The following DIAPH2 variants were observed in gnomAD, a reference collection of about 807,000 sequenced individuals.
DIAPH2 encodes protein diaphanous homolog 2.
In DIAPH2, 35 loss-of-function variants were observed where a neutral mutation model predicts 92.7. The ratio of observed to expected loss-of-function variants is 0.38; its 90% CI spans 0.29 to 0.50. DIAPH2 has a LOEUF of 0.50. Among genes scored for constraint, DIAPH2 ranks in the 20% least tolerant of loss-of-function variants. The probability of loss-of-function intolerance (pLI) is 0.94; values close to 1 mark genes in which losing one functional copy is unlikely to be tolerated. For synonymous variants in DIAPH2, 301 were observed against 280.4 expected (o/e 1.07, Z -0.73); for missense variants, 701 against 819.5 (o/e 0.86, Z 1.77).
intron 4 of DIAPH2, among the ~76,000 whole-genome samples, chrX:96,873,385 T>A (rs1187194545): frequency 9.0e-6 from 1 of 111,447 alleles, no homozygotes; most frequent in East Asian, 2.8e-4. Flanking sequence ...TTCTGTTGTC[T>A]CTTTGTTGAT....
chrX:96,897,064 TTTAA>T (rs1242318451), intron 5 of DIAPH2, among the ~76,000 whole-genome samples: 1 of 112,050 alleles, frequency 8.9e-6, no homozygotes, highest in Non-Finnish European at 1.9e-5. Flanking sequence ...CAAAATTTCA[TTTAA>T]ACAGAAGGTG....
At chrX:97,114,107 G>A (rs1247615962) in intron 20 of DIAPH2, among the ~76,000 whole-genome samples, 1 of 112,081 alleles carries the variant, frequency 8.9e-6, no homozygotes, top group Non-Finnish European at 1.9e-5. Flanking sequence ...TTGAAAGTAA[G>A]TTCATGTGAT....
At chrX:97,020,937 A>C (rs2066293428) in intron 17 of DIAPH2, among the ~76,000 whole-genome samples, 1 of 112,122 alleles carries the variant, frequency 8.9e-6, no homozygotes, top group Non-Finnish European at 1.9e-5. Flanking sequence ...ACTTTTGGAC[A>C]TGTGGTGTTT....
chrX:97,070,323 T>C (rs2066660937), intron 17 of DIAPH2, among the ~76,000 whole-genome samples: 1 of 111,713 alleles, frequency 9.0e-6, no homozygotes, highest in African/African-American at 3.2e-5. Context: ...AAAAAAACTT[T>C]TTAGTTTCAT....
At chrX:96,712,469 G>A (rs1385639237) in intron 1 of DIAPH2, among the ~76,000 whole-genome samples, 3 of 110,743 alleles carry the variant, frequency 2.7e-5, no homozygotes, top group Non-Finnish European at 5.7e-5. Flanking sequence ...TATTCCTAAT[G>A]TTGCTCACCC....
chrX:97,150,060 C>T (rs907119230), intron 22 of DIAPH2, among the ~76,000 whole-genome samples: 2 of 110,906 alleles, frequency 1.8e-5, no homozygotes, highest in African/African-American at 6.5e-5. Flanking sequence ...GATCTACCCT[C>T]TTAAATTTTT....
At chrX:96,891,770 A>G (rs1030947119) in intron 5 of DIAPH2, among the ~76,000 whole-genome samples, 2 of 111,763 alleles carry the variant, frequency 1.8e-5, no homozygotes, top group African/African-American at 6.5e-5. Flanking sequence ...CCCACGAGGA[A>G]ATTGTTTTTT....
chrX:97,174,975 A>T (rs916082693), intron 22 of DIAPH2, among the ~76,000 whole-genome samples: 1 of 111,576 alleles, frequency 9.0e-6, no homozygotes, highest in Admixed American at 9.6e-5. Flanking sequence ...CATTTCTATA[A>T]GGAAGGAAGA....
intron 23 of DIAPH2, among the ~76,000 whole-genome samples, chrX:97,319,622 G>A (rs113731112): frequency 0.017 from 1,914 of 109,529 alleles, 40 homozygotes; most frequent in African/African-American, 0.06. Flanking sequence ...TCCTGACCTC[G>A]TGATCTGCCC....
rs767019618 is a variant in DIAPH2, at chrX:96,918,509, T to A, written c.870T>A (p.Ile290=). ...TCTGTTTCTTCTTTTTTCTCTACAG[T>A]CTAGATAAACTTTTAGGGGCTATAA... is the stretch of plus-strand genomic sequence containing the variant. ...SAICIVGEEN[I]LDKLLGAITT... The change falls in exon 9 of 27, where the codon ATT becomes ATA. Residue 290 remains isoleucine (I), a splice_region_variant and synonymous_variant. Transcript: ENST00000324765. The A allele has an allele frequency of 8.6e-7, 1 of 1,169,239 alleles. No homozygotes were observed. Among genetic ancestry groups the A allele is most frequent in the South Asian group, 1.9e-5 (1 of 53,918 alleles).
intron 23 of DIAPH2, among the ~76,000 whole-genome samples, chrX:97,306,409 C>T (rs147643166): frequency 8.0e-4 from 89 of 111,270 alleles, no homozygotes; most frequent in African/African-American, 2.7e-3. Flanking sequence ...TAAGCTGTCA[C>T]CAGATCTGGA....
chrX:97,600,326 T>TGTC lies in DIAPH2; in HGVS notation c.*1010_*1012dup, dbSNP rs2071585202. ...CTTTTTACAGGAGGCAGCAGAAAAC[T>TGTC]GTCTGAAAGGTCAATTGTTTTATCT... On this transcript the variant is annotated 3_prime_UTR_variant, in exon 27 of 27. Coordinates refer to ENST00000324765, the MANE Select transcript of DIAPH2 (RefSeq NM_006729.5). 1 of 112,634 alleles carries TGTC rather than the reference T, an allele frequency of 8.9e-6. No homozygotes were observed. Among genetic ancestry groups the TGTC allele is most frequent in the African/African-American group, 3.2e-5 (1 of 31,008 alleles). 9.3% of individuals were successfully genotyped at this position (112,634 alleles called of 1,213,427 possible). A position where few individuals can be genotyped will look rare whatever the true frequency, so the allele number is the denominator to read the frequency against.
chrX:97,164,887 A>T (rs1431980621), intron 22 of DIAPH2, among the ~76,000 whole-genome samples: 1 of 112,503 alleles, frequency 8.9e-6, no homozygotes, highest in Non-Finnish European at 1.9e-5. Flanking sequence ...TGTTCTCAAG[A>T]TGCCCCAAGG....
intron 25 of DIAPH2, among the ~76,000 whole-genome samples, chrX:97,416,854 C>CT (rs1229761200): frequency 8.9e-6 from 1 of 112,283 alleles, no homozygotes; most frequent in East Asian, 2.8e-4. Flanking sequence ...AAGTAACAGA[C>CT]ACTCCCTCTT....
At chrX:97,094,584 G>A (rs769787263) in intron 19 of DIAPH2, among the ~76,000 whole-genome samples, 2 of 112,202 alleles carry the variant, frequency 1.8e-5, no homozygotes, top group East Asian at 2.8e-4. Context: ...TATGTATGTC[G>A]ATTCTTGGAG....
At chrX:96,883,285 G>C (rs926409462) in intron 5 of DIAPH2, among the ~76,000 whole-genome samples, 7 of 111,395 alleles carry the variant, frequency 6.3e-5, no homozygotes, top group African/African-American at 9.7e-5. Context: ...TTAAAAGCCA[G>C]TGTTAAGATG....
intron 26 of DIAPH2, among the ~76,000 whole-genome samples, chrX:97,586,396 A>G (rs959243572): frequency 2.0e-4 from 22 of 109,462 alleles, no homozygotes; most frequent in Non-Finnish European, 3.2e-4. Flanking sequence ...TCTTTCCTAC[A>G]TGTCCAATGA....
At chrX:96,938,053 C>G (rs961463421) in intron 11 of DIAPH2, among the ~76,000 whole-genome samples, 1 of 111,136 alleles carries the variant, frequency 9.0e-6, no homozygotes. Flanking sequence ...GATTTTTTCT[C>G]AATGATGTTT....
chrX:97,320,330 T>C (rs1229355186), intron 23 of DIAPH2, among the ~76,000 whole-genome samples: 1 of 109,729 alleles, frequency 9.1e-6, no homozygotes, highest in Non-Finnish European at 1.9e-5. Context: ...CTGTAGGCAC[T>C]GAAGGATTTC....
Sources: allele counts gnomAD v4.1 joint callset (sites outside exome capture counted in the v4.1 genomes callset), GRCh38; gene constraint gnomAD v4.1.1; transcripts MANE v1.5; gene names NCBI Gene and HGNC (gene_info 2026-07-23, HGNC 2026-07-21).